PPARGC1B: variants seen among roughly 807,000 people sequenced by gnomAD.
The protein encoded by PPARGC1B is peroxisome proliferator-activated receptor gamma coactivator 1-beta.
PPARGC1B carries 34 observed loss-of-function variants against 101.6 expected under a neutral mutation model. That is an observed-to-expected ratio of 0.33 (90% confidence interval 0.25 to 0.45). The LOEUF is 0.45. Ranked by LOEUF, PPARGC1B falls within the 20% of genes least tolerant of loss-of-function variation. PPARGC1B has a pLI of 1.00. For missense variants in PPARGC1B, 1,234 were observed against 1,317.6 expected (o/e 0.94, Z 0.98); for synonymous variants, 548 against 539.3 (o/e 1.02, Z -0.22).
intron 1 of PPARGC1B, among the ~76,000 whole-genome samples, chr5:149,782,959 T>C (rs578020769): frequency 2.0e-5 from 3 of 152,322 alleles, no homozygotes; most frequent in African/African-American, 7.2e-5. Context: ...AAAAAAGGGC[T>C]TGTGTGAATG....
chr5:149,744,339 G>T (rs867274417), intron 1 of PPARGC1B, among the ~76,000 whole-genome samples: 16 of 152,204 alleles, frequency 1.1e-4, no homozygotes, highest in South Asian at 4.1e-4. Flanking sequence ...GCCTATGTAG[G>T]CATGGGGTGA....
At chr5:149,798,312 T>C (rs1011475905) in intron 1 of PPARGC1B, among the ~76,000 whole-genome samples, 2 of 152,278 alleles carry the variant, frequency 1.3e-5, no homozygotes, top group Non-Finnish European at 2.9e-5. Context: ...GCATTTGCAT[T>C]TCTAGTCTCT....
chr5:149,738,070 A>C (rs1004907304), intron 1 of PPARGC1B, among the ~76,000 whole-genome samples: 5 of 152,266 alleles, frequency 3.3e-5, no homozygotes, highest in African/African-American at 1.2e-4. Flanking sequence ...CATGCCTGGC[A>C]CAGAATAAGC....
At chr5:149,758,236 C>T (rs984734115) in intron 1 of PPARGC1B, among the ~76,000 whole-genome samples, 2 of 152,234 alleles carry the variant, frequency 1.3e-5, no homozygotes, top group African/African-American at 4.8e-5. Flanking sequence ...CAAGTCTCAC[C>T]ACTCCCTTTG....
chr5:149,815,885 G>A (rs1331767800), intron 1 of PPARGC1B, among the ~76,000 whole-genome samples: 1 of 152,140 alleles, frequency 6.6e-6, no homozygotes, highest in African/African-American at 2.4e-5. Flanking sequence ...ACATGGGGAC[G>A]GTAGCACCCA....
In PPARGC1B at chr5:149,832,958, C is replaced by T. The variant is rs1758862090; in HGVS notation, c.885C>T (p.His295=). The T allele has an allele frequency of 6.2e-7, 1 of 1,613,136 alleles. No homozygotes were observed. Among genetic ancestry groups the T allele is most frequent in the South Asian group, 1.1e-5 (1 of 91,090 alleles). ...QAMVQLIRYM[H]TYCLPQRKLP... ...TGGTGCAACTCATACGCTACATGCA[C>T]ACCTACTGCCTCCCCCAGAGGAAGC... Residue 295 remains histidine (H), a synonymous_variant, in exon 5 of 12, where the codon CAC becomes CAT. Transcript: ENST00000309241. The surrounding 1 kb of genome is among the most constrained non-coding windows in gnomAD (Gnocchi z 4.9).
chr5:149,758,031 C>G (rs1198059960), intron 1 of PPARGC1B, among the ~76,000 whole-genome samples: 2 of 152,250 alleles, frequency 1.3e-5, no homozygotes, highest in Non-Finnish European at 2.9e-5. Flanking sequence ...GCTACCTTTT[C>G]TCCCTCTTGC....
chr5:149,755,404 G>A (rs1755480265), intron 1 of PPARGC1B, among the ~76,000 whole-genome samples: 1 of 151,688 alleles, frequency 6.6e-6, no homozygotes, highest in Non-Finnish European at 1.5e-5. Flanking sequence ...GGTTTTTTAA[G>A]TGCCAACTCT....
chr5:149,763,571 C>T (rs1755795804), intron 1 of PPARGC1B, among the ~76,000 whole-genome samples: 1 of 146,912 alleles, frequency 6.8e-6, no homozygotes, highest in South Asian at 2.2e-4. Context: ...CACTCTGTCA[C>T]CCAGGCTGCA....
At position 149,830,858 on chromosome 5, in the gene PPARGC1B, C is replaced by A. The variant is rs1265949492; in HGVS notation, c.557C>A (p.Ser186Tyr). 1 of 1,613,690 alleles carries A rather than the reference C, an allele frequency of 6.2e-7. No individual in the cohort carries two copies. The highest frequency in any genetic ancestry group is 8.5e-7 in the Non-Finnish European group (1 of 1,179,580). Reference protein sequence around the residue: ...GTAWRQAGLRSKSQRPCVKAD... With the variant: ...GTAWRQAGLRYKSQRPCVKAD... ...GCCTGGCGCCAGGCAGGCCTCAGAT[C>A]TAAAAGTCAACGGCCTTGTGTTAAG... Residue 186 changes from serine to tyrosine, a missense_variant, in exon 4 of 12, where the codon TCT (serine) becomes TAT (tyrosine). Ser to Tyr is a moderately radical substitution (Grantham distance 144, BLOSUM62 -2). Around this residue, in one of 3 missense-constraint regions of PPARGC1B, gnomAD observed 734 missense variants for 768.4 expected, o/e 0.96. Coordinates refer to ENST00000309241, the MANE Select transcript of PPARGC1B (RefSeq NM_133263.4).
At chr5:149,812,770 G>A (rs554608484) in intron 1 of PPARGC1B, among the ~76,000 whole-genome samples, 1 of 152,316 alleles carries the variant, frequency 6.6e-6, no homozygotes, top group South Asian at 2.1e-4. Flanking sequence ...CCTGGTATTT[G>A]CCATGACCCA....
In PPARGC1B at chr5:149,849,361, T is replaced by A. The variant is rs1759688582; in HGVS notation, c.*1803T>A. 1 of 152,214 alleles carries A rather than the reference T, an allele frequency of 6.6e-6. No individual in the cohort carries two copies. Among genetic ancestry groups the A allele is most frequent in the East Asian group, 1.9e-4 (1 of 5,186 alleles). 9.4% of individuals were successfully genotyped at this position (152,214 alleles called of 1,614,324 possible). ...CTGTTGTGTGTCACAGCAGTTGACC[T>A]CTCTGGACTCCAATTTCCTTTCCTG... On this transcript the variant is annotated 3_prime_UTR_variant, in exon 12 of 12. Transcript: ENST00000309241.
At chr5:149,739,405 G>A (rs1272884203) in intron 1 of PPARGC1B, among the ~76,000 whole-genome samples, 3 of 152,182 alleles carry the variant, frequency 2.0e-5, no homozygotes, top group Non-Finnish European at 4.4e-5. Flanking sequence ...GTTGCTCAGG[G>A]TCTTGAAGCT....
At chr5:149,797,144 G>T (rs1387372346) in intron 1 of PPARGC1B, among the ~76,000 whole-genome samples, 2 of 152,154 alleles carry the variant, frequency 1.3e-5, no homozygotes, top group African/African-American at 4.8e-5. Context: ...GACTCCTATT[G>T]GCGCATAGGT....
chr5:149,789,919 CT>C (rs566648128), intron 1 of PPARGC1B, among the ~76,000 whole-genome samples: 68 of 152,306 alleles, frequency 4.5e-4, no homozygotes, highest in African/African-American at 1.3e-3. Flanking sequence ...CTTGATGACA[CT>C]TTTCCAAGAC....
chr5:149,817,495 C>T (rs1459837493), intron 1 of PPARGC1B: 4 of 339,864 alleles, frequency 1.2e-5, no homozygotes, highest in South Asian at 4.7e-5. Flanking sequence ...ACACAAAGAG[C>T]GTGAAAAGAT....
intron 1 of PPARGC1B, among the ~76,000 whole-genome samples, chr5:149,796,980 G>A (rs191520100): frequency 6.6e-6 from 1 of 152,222 alleles, no homozygotes; most frequent in Non-Finnish European, 1.5e-5. Flanking sequence ...GAGACAGCCT[G>A]TGTGCATTTC....
intron 1 of PPARGC1B, among the ~76,000 whole-genome samples, chr5:149,781,144 G>T (rs1366770524): frequency 6.6e-6 from 1 of 151,492 alleles, no homozygotes; most frequent in Non-Finnish European, 1.5e-5. Flanking sequence ...GGTGGAGGTT[G>T]CAGTGAGCCG....
intron 1 of PPARGC1B, among the ~76,000 whole-genome samples, chr5:149,782,629 A>G (rs1450895304): frequency 1.3e-5 from 2 of 152,236 alleles, no homozygotes; most frequent in Non-Finnish European, 2.9e-5. Flanking sequence ...TACCATTTCA[A>G]GGAGCCCTTT....
Sources: gnomAD v4.1 joint callset for allele counts (sites outside exome capture counted in the v4.1 genomes callset) on GRCh38, gnomAD v4.1.1 for gene constraint, gnomAD v4.1.1 regional missense constraint, Gnocchi (gnomAD v3.1) non-coding constraint, MANE v1.5 for transcripts, NCBI Gene and HGNC (gene_info 2026-07-23, HGNC 2026-07-21) for gene names.